Variants in RNF144A observed in about 807,000 individuals in gnomAD.
The protein encoded by RNF144A is ring finger protein 144A.
A neutral mutation model predicts 38.7 loss-of-function variants in RNF144A; 11 were observed. The observed-to-expected ratio is 0.28, with a 90% CI of 0.18 to 0.47. The LOEUF is 0.47. RNF144A is among the 20% of genes least tolerant of loss of function. The pLI is 0.99. For missense variants in RNF144A, 316 were observed against 377.2 expected, an observed-to-expected ratio of 0.84 and a Z score of 1.34; for synonymous variants, 149 against 143.9, an observed-to-expected ratio of 1.04 and a Z score of -0.25.
chr2:6,948,496 A>G (rs1463430380), intron 2 of RNF144A, among the ~76,000 whole-genome samples: 2 of 152,238 alleles, frequency 1.3e-5, no homozygotes, highest in East Asian at 3.8e-4. Flanking sequence ...GCTTCCCATC[A>G]TCCAGCTGAG....
At chr2:7,063,748 C>T (rs1289862780) in intron 6 of RNF144A, among the ~76,000 whole-genome samples, 2 of 152,154 alleles carry the variant, frequency 1.3e-5, no homozygotes, top group African/African-American at 4.8e-5. Context: ...AAGAAATGTT[C>T]TAACGTCTAA....
chr2:7,021,093 G>C (rs780365194), intron 6 of RNF144A, among the ~76,000 whole-genome samples: 1 of 152,164 alleles, frequency 6.6e-6, no homozygotes, highest in Non-Finnish European at 1.5e-5. Context: ...CATAAATACT[G>C]TCTGGAGGGG....
chr2:7,014,498 A>G lies in RNF144A; in HGVS notation c.180A>G (p.Glu60=). The G allele has an allele frequency of 6.2e-7, 1 of 1,611,800 alleles. No individual in the cohort carries two copies. Among genetic ancestry groups the G allele is most frequent in the Non-Finnish European group, 8.5e-7 (1 of 1,179,290 alleles). ...YVELLIKEGL[E]TAISCPDAAC... is the part of the protein sequence containing the mutation. ...AGCTCTTGATCAAAGAAGGATTAGA[A>G]ACCGCAATTAGCTGCCCAGATGCTG... Residue 60 remains glutamate, a synonymous_variant, in exon 4 of 9, where the codon GAA becomes GAG. Coordinates refer to ENST00000320892, the MANE Select transcript of RNF144A (RefSeq NM_014746.6).
intron 2 of RNF144A, among the ~76,000 whole-genome samples, chr2:6,965,567 A>G (rs998835102): frequency 6.6e-6 from 1 of 152,130 alleles, no homozygotes; most frequent in African/African-American, 2.4e-5. Context: ...CAGCGGGAAG[A>G]TGGGGCGGTG....
chr2:6,956,533 C>T (rs892448683), intron 2 of RNF144A, among the ~76,000 whole-genome samples: 1 of 152,182 alleles, frequency 6.6e-6, no homozygotes, highest in Non-Finnish European at 1.5e-5. Context: ...GATGATGATA[C>T]TGAGGCTTTA....
chr2:6,974,756 AG>A (rs748634850), intron 2 of RNF144A, among the ~76,000 whole-genome samples: 7 of 152,220 alleles, frequency 4.6e-5, no homozygotes, highest in Non-Finnish European at 4.4e-5. Flanking sequence ...AATACATTTC[AG>A]GTTTTAAATT....
intron 6 of RNF144A, among the ~76,000 whole-genome samples, chr2:7,061,691 GA>G (rs1673962027): frequency 6.6e-6 from 1 of 152,166 alleles, no homozygotes; most frequent in Admixed American, 6.5e-5. Flanking sequence ...CTGAGGCCTA[GA>G]ACTACATCTT....
At chr2:6,969,402 G>A (rs1667862543) in intron 2 of RNF144A, among the ~76,000 whole-genome samples, 1 of 152,096 alleles carries the variant, frequency 6.6e-6, no homozygotes, top group Non-Finnish European at 1.5e-5. Flanking sequence ...AAGAGAAGAC[G>A]GCCACCGACA....
intron 3 of RNF144A, among the ~76,000 whole-genome samples, chr2:7,011,856 CTCTT>C (rs534052073): frequency 7.4e-4 from 112 of 152,320 alleles, no homozygotes; most frequent in South Asian, 2.9e-3. Flanking sequence ...AACGTCATCT[CTCTT>C]TATGTAGTGA....
chr2:6,969,337 C>T (rs529979919), intron 2 of RNF144A, among the ~76,000 whole-genome samples: 8 of 151,938 alleles, frequency 5.3e-5, no homozygotes, highest in Admixed American at 4.6e-4. Context: ...GACTGGTGTC[C>T]GTATAAGAAG....
At chr2:6,982,791 C>T (rs1029750209) in intron 2 of RNF144A, among the ~76,000 whole-genome samples, 4 of 152,214 alleles carry the variant, frequency 2.6e-5, no homozygotes, top group Non-Finnish European at 5.9e-5. Flanking sequence ...ATTATTGTCA[C>T]AGTCATCTTC....
chr2:7,064,651 C>T (rs530118206), intron 6 of RNF144A, among the ~76,000 whole-genome samples: 38 of 152,272 alleles, frequency 2.5e-4, no homozygotes, highest in African/African-American at 8.9e-4. Flanking sequence ...CCAACACAGG[C>T]TGTAGATTAA....
In RNF144A at chr2:7,042,558, T is replaced by C; in HGVS notation, c.*2798T>C. 1.0e-6 allele frequency: 1 copy of C among 985,538 alleles called. No homozygotes were observed. Among genetic ancestry groups the C allele is most frequent in the Non-Finnish European group, 1.2e-6 (1 of 829,996 alleles). The allele number at this position is 985,538 out of a possible 1,614,324, so 61.0% of individuals were successfully genotyped here. ...CCAGTGAGGACTGGCCTTAGCCCAGTGGACCTGTGGCTTCTCTGAGGCCCT... is the reference window on the plus strand; with the variant it reads ...CCAGTGAGGACTGGCCTTAGCCCAGCGGACCTGTGGCTTCTCTGAGGCCCT... On this transcript the variant is annotated 3_prime_UTR_variant, in exon 9 of 9. Coordinates refer to ENST00000320892, the MANE Select transcript of RNF144A (RefSeq NM_014746.6).
chr2:6,993,290 C>T (rs1030837015), intron 2 of RNF144A, among the ~76,000 whole-genome samples: 6 of 152,004 alleles, frequency 3.9e-5, no homozygotes, highest in South Asian at 4.1e-4. Context: ...ATGGGGCTGG[C>T]GGGGGAAGTG....
intron 6 of RNF144A, among the ~76,000 whole-genome samples, chr2:7,060,526 C>A (rs1423447251): frequency 6.6e-6 from 1 of 152,174 alleles, no homozygotes; most frequent in Non-Finnish European, 1.5e-5. Context: ...TTCCCCCTGG[C>A]AAAACTTCAG....
chr2:6,946,736 T>C (rs959789725), intron 2 of RNF144A, among the ~76,000 whole-genome samples: 3 of 152,250 alleles, frequency 2.0e-5, no homozygotes, highest in Admixed American at 1.3e-4. Flanking sequence ...GTATTAAGAT[T>C]TTTTTCAAGC....
At chr2:6,992,840 G>T (rs1669480580) in intron 2 of RNF144A, among the ~76,000 whole-genome samples, 1 of 152,182 alleles carries the variant, frequency 6.6e-6, no homozygotes, top group South Asian at 2.1e-4. Context: ...TCATCACAAG[G>T]CACAATCCTT....
intron 5 of RNF144A, among the ~76,000 whole-genome samples, chr2:7,017,153 G>A (rs1250717698): frequency 6.6e-6 from 1 of 152,126 alleles, no homozygotes; most frequent in Admixed American, 6.5e-5. Flanking sequence ...GAGACCCAGC[G>A]GTGCTGTGCT....
chr2:7,040,351 T>C lies in RNF144A; in HGVS notation c.*591T>C, dbSNP rs1351235692. 1 of 985,308 alleles carries C rather than the reference T, an allele frequency of 1.0e-6. No homozygotes were observed. The highest frequency in any genetic ancestry group is 1.2e-6 in the Non-Finnish European group (1 of 829,900). The allele number at this position is 985,308 out of a possible 1,614,324, so 61.0% of individuals were successfully genotyped here. On this transcript the variant is annotated 3_prime_UTR_variant, in exon 9 of 9. Transcript: ENST00000320892. ...TTTTAAGAAGTTATAGTTAAACGACTTTTCAGGAGATTTAGAAAGCCTTAT... is the reference window on the plus strand; with the variant it reads ...TTTTAAGAAGTTATAGTTAAACGACCTTTCAGGAGATTTAGAAAGCCTTAT...
Sources: gnomAD v4.1 joint callset for allele counts (sites outside exome capture counted in the v4.1 genomes callset) on GRCh38, gnomAD v4.1.1 for gene constraint, MANE v1.5 for transcripts, NCBI Gene and HGNC (gene_info 2026-07-23, HGNC 2026-07-21) for gene names.